Variants in ZNF90 observed in about 807,000 individuals in gnomAD.
ZNF90 encodes zinc finger protein HTF9.
A neutral mutation model predicts 12.0 loss-of-function variants in ZNF90; 11 were observed. The observed-to-expected ratio is 0.92, with a 90% CI of 0.58 to 1.52. The LOEUF (loss-of-function observed/expected upper bound fraction) is 1.52. ZNF90 is among the 40% of genes most tolerant of loss of function. The pLI, the probability that ZNF90 is intolerant of heterozygous loss-of-function variation, is 0.00. For missense variants in ZNF90, 765 were observed against 711.5 expected (o/e 1.08, Z -0.86); for synonymous variants, 232 against 240.1 (o/e 0.97, Z 0.31).
At chr19:20,093,781 G>A (rs1339026791) in intron 1 of ZNF90, among the ~76,000 whole-genome samples, 4 of 152,096 alleles carry the variant, frequency 2.6e-5, no homozygotes, top group Non-Finnish European at 5.9e-5. Flanking sequence ...CCCCCGTATC[G>A]ATTAAACAGG....
intron 1 of ZNF90, among the ~76,000 whole-genome samples, chr19:20,100,747 C>T (rs559922847): frequency 6.6e-6 from 1 of 152,316 alleles, no homozygotes; most frequent in East Asian, 1.9e-4. Flanking sequence ...AATTCCTAAG[C>T]CTAGCTGGGG....
At chr19:20,088,259 C>T (rs1015054512) in intron 1 of ZNF90, among the ~76,000 whole-genome samples, 4 of 148,358 alleles carry the variant, frequency 2.7e-5, no homozygotes, top group Non-Finnish European at 6.0e-5. Context: ...CTGCTTCAAG[C>T]GGGATTGGGG....
intron 3 of ZNF90, among the ~76,000 whole-genome samples, chr19:20,109,254 A>G (rs2089065874): frequency 6.6e-6 from 1 of 152,170 alleles, no homozygotes; most frequent in Non-Finnish European, 1.5e-5. Context: ...GGTTTAAGAG[A>G]TAAATTGTGC....
intron 3 of ZNF90, among the ~76,000 whole-genome samples, chr19:20,113,960 CTT>C (rs149166522): frequency 0.035 from 5,308 of 152,138 alleles, 338 homozygotes; most frequent in African/African-American, 0.12. Context: ...TTATTGTTTA[CTT>C]ATGTGTTATG....
chr19:20,106,191 G>A (rs571040731), intron 3 of ZNF90, among the ~76,000 whole-genome samples: 1 of 151,016 alleles, frequency 6.6e-6, no homozygotes, highest in South Asian at 2.1e-4. Flanking sequence ...ACATATACTT[G>A]TATGTTAATT....
At chr19:20,080,881 C>A (rs1158722170) in intron 1 of ZNF90, among the ~76,000 whole-genome samples, 2 of 146,572 alleles carry the variant, frequency 1.4e-5, no homozygotes, top group Non-Finnish European at 1.5e-5. Flanking sequence ...TCAGCAAACT[C>A]TGCAGATTTG....
chr19:20,115,933 G>T (rs1278221159), intron 3 of ZNF90, among the ~76,000 whole-genome samples: 2 of 152,096 alleles, frequency 1.3e-5, no homozygotes, highest in Non-Finnish European at 2.9e-5. Flanking sequence ...GGAAGCAGTG[G>T]TGCAATCTCG....
chr19:20,102,092 C>T (rs2088994412), intron 1 of ZNF90, among the ~76,000 whole-genome samples: 1 of 152,146 alleles, frequency 6.6e-6, no homozygotes, highest in East Asian at 1.9e-4. Flanking sequence ...TTGTTAACTT[C>T]CTTTAAAATT....
intron 3 of ZNF90, among the ~76,000 whole-genome samples, chr19:20,117,397 C>CTCCGTCCTTCCTTCCTTCCTTCCT: frequency 1.1e-5 from 1 of 91,400 alleles, no homozygotes; most frequent in Admixed American, 1.1e-4. Flanking sequence ...CTTTTCTTTT[C>CTCCGTCCTTCCTTCCTTCCTTCCT]TCCTTCCTTC....
In ZNF90 at chr19:20,119,144, T is replaced by A. The variant is rs1317672382; in HGVS notation, c.1590T>A (p.Ile530=). The A allele has an allele frequency of 1.9e-6, 3 of 1,612,366 alleles. No homozygotes were observed. In the African/African-American group the frequency reaches 4.0e-5, roughly 22 times the overall value. Residue 530 remains isoleucine, a synonymous_variant, in exon 4 of 4, where the codon ATT becomes ATA. Transcript: ENST00000418063. ...CAGTCCTTAGTAAACATAAGATAAT[T>A]CATACTGGAGCGAAACCCTACAAAT... ...RSSVLSKHKI[I]HTGAKPYKCE...
rs782734905 is a variant in ZNF90 at position 20,118,075 on chromosome 19, A to C, written c.521A>C (p.Lys174Thr). The change falls in exon 4 of 4, where the codon AAA (lysine) becomes ACA (threonine). Residue 174 changes from lysine to threonine, a missense_variant. Transcript: ENST00000418063. Reference protein sequence around the residue: ...KIRDTGKKPFKCIECGKAFNQ... With the variant: ...KIRDTGKKPFTCIECGKAFNQ... ...AGAGATACTGGAAAAAAACCTTTCAAATGTATAGAATGTGGCAAAGCTTTC... is the reference window on the plus strand; with the variant it reads ...AGAGATACTGGAAAAAAACCTTTCACATGTATAGAATGTGGCAAAGCTTTC... 24 of 1,613,264 alleles carry C rather than the reference A, an allele frequency of 1.5e-5. No homozygotes were observed. The highest frequency in any genetic ancestry group is 1.9e-5 in the Non-Finnish European group (23 of 1,179,502).
At chr19:20,104,416 T>C in intron 2 of ZNF90, 51 bp downstream of exon 2, 2 of 1,531,396 alleles carry the variant, frequency 1.3e-6, no homozygotes, top group Non-Finnish European at 1.8e-6. Context: ...AGGTTGTTTT[T>C]ATGTTTTTTT....
In ZNF90 at chr19:20,119,824, T is replaced by A. The variant is rs1008114129; in HGVS notation, c.*464T>A. 5.0e-5 allele frequency: 8 copies of A among 158,612 alleles called. No individual in the cohort carries two copies. The highest frequency in any genetic ancestry group is 1.9e-4 in the African/African-American group (8 of 41,576). The allele number at this position is 158,612 out of a possible 1,614,324, so 9.8% of individuals were successfully genotyped here. On this transcript the variant is annotated 3_prime_UTR_variant, in exon 4 of 4. Transcript: ENST00000418063. ...TTAACAGGCTGGTCTCCAACTGTGATTCACACACCTTGGCCTCCTAAAATG... is the reference window on the plus strand; with the variant it reads ...TTAACAGGCTGGTCTCCAACTGTGAATCACACACCTTGGCCTCCTAAAATG...
intron 3 of ZNF90, among the ~76,000 whole-genome samples, chr19:20,112,467 G>A (rs1217014727): frequency 6.6e-6 from 1 of 152,010 alleles, no homozygotes; most frequent in African/African-American, 2.4e-5. Flanking sequence ...GACTACAGGT[G>A]TGTGCCACCA....
intron 3 of ZNF90, among the ~76,000 whole-genome samples, chr19:20,108,285 A>C (rs1454510912): frequency 6.6e-6 from 1 of 152,160 alleles, no homozygotes; most frequent in Non-Finnish European, 1.5e-5. Flanking sequence ...GTGATGGTTA[A>C]ATATTGCAGT....
At chr19:20,085,273 T>TTTTTTC (rs1205259838) in intron 1 of ZNF90, among the ~76,000 whole-genome samples, 1 of 148,650 alleles carries the variant, frequency 6.7e-6, no homozygotes, top group Non-Finnish European at 1.5e-5. Context: ...TTGGTCTTTT[T>TTTTTTC]TTTTTAGACG....
intron 3 of ZNF90, among the ~76,000 whole-genome samples, chr19:20,109,767 A>G (rs1479494006): frequency 6.6e-6 from 1 of 152,058 alleles, no homozygotes; most frequent in Non-Finnish European, 1.5e-5. Context: ...GGTCCCAGCT[A>G]CATGGGAGAT....
intron 1 of ZNF90, among the ~76,000 whole-genome samples, chr19:20,078,867 A>G (rs1235262221): frequency 6.6e-6 from 1 of 152,152 alleles, no homozygotes; most frequent in Non-Finnish European, 1.5e-5. Context: ...TCCTGCCTGT[A>G]ATTTCAGCAC....
chr19:20,105,185 GA>G lies in ZNF90; in HGVS notation c.131-35del, dbSNP rs536605731. On this transcript the variant is annotated intron_variant, in intron 2 of 3. Transcript: ENST00000418063. The stretch of plus-strand genomic sequence containing the variant: ...GTACTAGCTTGTAATTGGAGAATAT[GA>G]GGAAGATTCATGTTATTTATTTTTA... 2.6e-6 allele frequency: 4 copies of G among 1,514,154 alleles called. No individual in the cohort carries two copies. In the South Asian group the frequency reaches 4.6e-5, roughly 17 times the overall value. The allele number at this position is 1,514,154 out of a possible 1,614,324, so 93.8% of individuals were successfully genotyped here.
Sources: allele counts gnomAD v4.1 joint callset (sites outside exome capture counted in the v4.1 genomes callset), GRCh38; gene constraint gnomAD v4.1.1; transcripts MANE v1.5; gene names NCBI Gene and HGNC (gene_info 2026-07-23, HGNC 2026-07-21).